Variants in PRKG1 observed in about 807,000 individuals in gnomAD.
PRKG1 encodes protein kinase cGMP-dependent 1.
In PRKG1, 35 loss-of-function variants were observed where a neutral mutation model predicts 88.1. That is an observed-to-expected ratio of 0.40 (90% CI 0.30 to 0.53). The LOEUF (loss-of-function observed/expected upper bound fraction) is 0.53, where lower values mean the gene tolerates loss of function less well. PRKG1 is among the 20% of genes least tolerant of loss of function. The pLI, the probability that PRKG1 is intolerant of heterozygous loss-of-function variation, is 0.59. For missense variants in PRKG1, 540 were observed against 839.8 expected (o/e 0.64, Z 4.41); for synonymous variants, 303 against 292.5 (o/e 1.04, Z -0.37).
At chr10:51,093,497 A>G (rs1418284842) in intron 1 of PRKG1, among the ~76,000 whole-genome samples, 1 of 151,968 alleles carries the variant, frequency 6.6e-6, no homozygotes, top group Non-Finnish European at 1.5e-5. Flanking sequence ...TTTCACTTCC[A>G]GGAGAACTTT....
At chr10:51,285,641 T>C (rs1352610931) in intron 2 of PRKG1, among the ~76,000 whole-genome samples, 1 of 152,122 alleles carries the variant, frequency 6.6e-6, no homozygotes, top group Non-Finnish European at 1.5e-5. Context: ...GAACTGAGAT[T>C]CTGAGAAGGG....
intron 2 of PRKG1, among the ~76,000 whole-genome samples, chr10:51,328,779 T>A (rs1435434122): frequency 1.3e-5 from 2 of 152,238 alleles, no homozygotes; most frequent in East Asian, 3.8e-4. Context: ...GAGCATTTTT[T>A]AATATACCTG....
chr10:52,080,288 C>A (rs1846738829), intron 7 of PRKG1, among the ~76,000 whole-genome samples: 1 of 152,114 alleles, frequency 6.6e-6, no homozygotes, highest in South Asian at 2.1e-4. Context: ...GTTTGAGCAA[C>A]TTCTCCATGA....
intron 4 of PRKG1, among the ~76,000 whole-genome samples, chr10:51,828,753 G>A (rs1839936929): frequency 6.6e-6 from 1 of 152,118 alleles, no homozygotes; most frequent in African/African-American, 2.4e-5. Flanking sequence ...TGATAAGGCA[G>A]GCATTTAATA....
At chr10:51,941,864 T>A (rs1461715966) in intron 5 of PRKG1, among the ~76,000 whole-genome samples, 1 of 151,956 alleles carries the variant, frequency 6.6e-6, no homozygotes, top group Non-Finnish European at 1.5e-5. Flanking sequence ...TGTTGGACAT[T>A]TGGGTTGGTT....
intron 2 of PRKG1, among the ~76,000 whole-genome samples, chr10:51,307,419 T>C (rs1190454800): frequency 6.6e-6 from 1 of 152,174 alleles, no homozygotes; most frequent in African/African-American, 2.4e-5. Context: ...CAAGATGATC[T>C]TTTCCAGAAC....
At chr10:51,686,528 A>G (rs1840995352) in intron 3 of PRKG1, among the ~76,000 whole-genome samples, 1 of 152,194 alleles carries the variant, frequency 6.6e-6, no homozygotes, top group African/African-American at 2.4e-5. Flanking sequence ...AAAAGTTTCT[A>G]AAAACATGTT....
chr10:52,133,928 T>C (rs759605188), intron 8 of PRKG1, 23 bp downstream of exon 8: 1 of 1,584,502 alleles, frequency 6.3e-7, no homozygotes, highest in South Asian at 1.1e-5. Flanking sequence ...TTTTATTATG[T>C]GAATTACACA....
intron 3 of PRKG1, among the ~76,000 whole-genome samples, chr10:51,768,678 A>G (rs2132540849): frequency 6.6e-6 from 1 of 152,254 alleles, no homozygotes; most frequent in East Asian, 1.9e-4. Context: ...ATAACCCAGG[A>G]AGGTATAATG....
At chr10:51,811,974 G>A (rs2339854) in intron 4 of PRKG1, among the ~76,000 whole-genome samples, 24,333 of 152,020 alleles carry the variant, frequency 0.16, 2,865 homozygotes, top group African/African-American at 0.33. Context: ...CAAATATTTT[G>A]AGTATTTGTA....
chr10:52,228,339 T>C (rs1350839544), intron 9 of PRKG1, among the ~76,000 whole-genome samples: 1 of 151,436 alleles, frequency 6.6e-6, no homozygotes, highest in African/African-American at 2.4e-5. Context: ...TTTAAGCCAC[T>C]GCGTTGCTGG....
chr10:52,120,829 A>G (rs953357504), intron 7 of PRKG1, among the ~76,000 whole-genome samples: 1 of 151,930 alleles, frequency 6.6e-6, no homozygotes, highest in Non-Finnish European at 1.5e-5. Flanking sequence ...GGCGTCACAG[A>G]TGCAGCCCCA....
intron 2 of PRKG1, among the ~76,000 whole-genome samples, chr10:51,198,509 C>T (rs1837831047): frequency 6.6e-6 from 1 of 152,144 alleles, no homozygotes; most frequent in South Asian, 2.1e-4. Flanking sequence ...TTTCTGAGCA[C>T]CAGTAGAAGA....
At chr10:52,276,210 TCCAG>T (rs1841870684) in intron 12 of PRKG1, among the ~76,000 whole-genome samples, 1 of 152,150 alleles carries the variant, frequency 6.6e-6, no homozygotes, top group African/African-American at 2.4e-5. Context: ...GGCTAGGACT[TCCAG>T]TACTGCGTTG....
rs1844682299 is a variant in PRKG1, at chr10:52,004,559, T to G, written c.763-49925T>G. ...GAACAGCATCTAACGAATATGATTCTTATGTATGTTAGGGAGTTAATTTAA... is the reference window on the plus strand; with the variant it reads ...GAACAGCATCTAACGAATATGATTCGTATGTATGTTAGGGAGTTAATTTAA... On this transcript the variant is annotated intron_variant, in intron 5 of 17. Coordinates refer to ENST00000373980, the MANE Select transcript of PRKG1 (RefSeq NM_006258.4). Among the ~76,000 whole-genome samples, 3 of 152,302 alleles carry G rather than the reference T, an allele frequency of 2.0e-5. No individual in the cohort carries two copies. The South Asian group carries it at 6.2e-4, about 32-fold the overall frequency.
intron 3 of PRKG1, among the ~76,000 whole-genome samples, chr10:51,803,502 A>G (rs1216188209): frequency 1.3e-5 from 2 of 152,080 alleles, no homozygotes; most frequent in Admixed American, 1.3e-4. Context: ...CCTCCCCACA[A>G]GGCACACACA....
At chr10:52,282,540 C>T (rs902492064) in intron 14 of PRKG1, among the ~76,000 whole-genome samples, 1 of 152,052 alleles carries the variant, frequency 6.6e-6, no homozygotes, top group Non-Finnish European at 1.5e-5. Flanking sequence ...ATTATTGCTA[C>T]TTCTTTTTTA....
intron 2 of PRKG1, among the ~76,000 whole-genome samples, chr10:51,324,231 C>T (rs1041710223): frequency 1.3e-4 from 20 of 152,122 alleles, no homozygotes; most frequent in African/African-American, 4.6e-4. Flanking sequence ...ACCCATTAAC[C>T]AACTGTTCTT....
intron 10 of PRKG1, among the ~76,000 whole-genome samples, chr10:52,254,076 T>C (rs1330414164): frequency 3.3e-5 from 5 of 152,088 alleles, no homozygotes; most frequent in African/African-American, 1.2e-4. Context: ...TCTGTGATTG[T>C]TCATCTTTTA....
Sources: gnomAD v4.1 joint callset for allele counts (sites outside exome capture counted in the v4.1 genomes callset) on GRCh38, gnomAD v4.1.1 for gene constraint, MANE v1.5 for transcripts, NCBI Gene and HGNC (gene_info 2026-07-23, HGNC 2026-07-21) for gene names.